RAB33B: variants seen among roughly 807,000 people sequenced by gnomAD.
RAB33B encodes the protein ras-related protein Rab-33B.
RAB33B carries 6 observed loss-of-function variants against 15.0 expected under a neutral mutation model. The ratio of observed to expected loss-of-function variants is 0.40; its 90% CI spans 0.22 to 0.79. The LOEUF is 0.79. Among genes scored for constraint, RAB33B ranks in the 30% least tolerant of loss-of-function variants. The probability of loss-of-function intolerance (pLI) is 0.37; values close to 1 mark genes in which losing one functional copy is unlikely to be tolerated. For synonymous variants in RAB33B, 117 were observed against 108.3 expected (o/e 1.08, Z -0.50); for missense variants, 257 against 296.4 (o/e 0.87, Z 0.98).
At chr4:139,449,871 A>G (rs4863653), upstream of RAB33B, 105 of 152,256 alleles carry the variant, frequency 6.9e-4, no homozygotes, top group Middle Eastern at 3.4e-3. Context: ...CTTTTTACAT[A>G]TATCAAATAT....
At chr4:139,447,658 CTTTTTTTTTTTTTT>C in the RAB33B span, among the ~76,000 whole-genome samples, 1 of 85,698 alleles carries the variant, frequency 1.2e-5, no homozygotes, top group African/African-American at 4.7e-5. Context: ...CAGTCTACTA[CTTTTTTTTTTTTTT>C]TTTTTTTTTT....
chr4:139,466,251 T>TA (rs1187427606), intron 1 of RAB33B, among the ~76,000 whole-genome samples: 1 of 152,228 alleles, frequency 6.6e-6, no homozygotes, highest in Non-Finnish European at 1.5e-5. Flanking sequence ...TTTGTTTTTA[T>TA]AAATGACATG....
intron 1 of RAB33B, among the ~76,000 whole-genome samples, chr4:139,462,437 A>G (rs1486367960): frequency 6.6e-6 from 1 of 152,200 alleles, no homozygotes; most frequent in Admixed American, 6.5e-5. Context: ...TGCTTGACCT[A>G]AAATGTTAAA....
upstream of RAB33B, chr4:139,454,109 G>A (rs1750010905): frequency 1.4e-6 from 2 of 1,470,060 alleles, no homozygotes; most frequent in Non-Finnish European, 1.8e-6. Flanking sequence ...CGAACTGGCC[G>A]GCTGGGCGCG....
intron 1 of RAB33B, among the ~76,000 whole-genome samples, chr4:139,464,386 GTTT>G (rs372330119): frequency 0.33 from 33,657 of 102,116 alleles, 4,338 homozygotes; most frequent in Middle Eastern, 0.34. Flanking sequence ...GAGGAATACT[GTTT>G]TTTTTTTTTT....
intron 1 of RAB33B, among the ~76,000 whole-genome samples, chr4:139,469,280 A>G (rs1019013820): frequency 2.0e-5 from 3 of 151,550 alleles, no homozygotes; most frequent in Non-Finnish European, 4.4e-5. Context: ...TCCTCTGTGT[A>G]TTTTCAGTTA....
At chr4:139,454,119 G>A (rs1750011503), upstream of RAB33B, 9 of 1,492,224 alleles carry the variant, frequency 6.0e-6, no homozygotes, top group Non-Finnish European at 8.1e-6. Flanking sequence ...GGCTGGGCGC[G>A]CGCTCTTGCG....
intron 1 of RAB33B, among the ~76,000 whole-genome samples, chr4:139,462,353 A>G (rs892426774): frequency 2.0e-5 from 3 of 152,158 alleles, no homozygotes; most frequent in African/African-American, 2.4e-5. Flanking sequence ...GCGCCCGGCC[A>G]TGACAGCTCT....
At chr4:139,467,567 A>G (rs1278814222) in intron 1 of RAB33B, among the ~76,000 whole-genome samples, 1 of 151,582 alleles carries the variant, frequency 6.6e-6, no homozygotes, top group Non-Finnish European at 1.5e-5. Flanking sequence ...TGAGTTACAG[A>G]CAATTCAGGC....
At chr4:139,448,687 G>C (rs1177780981), upstream of RAB33B, 1 of 152,208 alleles carries the variant, frequency 6.6e-6, no homozygotes, top group Non-Finnish European at 1.5e-5. Context: ...CAAAGTGCTA[G>C]GATTACAGGC....
At chr4:139,447,305 A>G in the RAB33B span, among the ~76,000 whole-genome samples, 1 of 152,186 alleles carries the variant, frequency 6.6e-6, no homozygotes, top group East Asian at 1.9e-4. Context: ...AAGGCCATGT[A>G]TACCCTGAAT....
At chr4:139,458,387 C>T (rs1750110317) in intron 1 of RAB33B, among the ~76,000 whole-genome samples, 1 of 152,058 alleles carries the variant, frequency 6.6e-6, no homozygotes, top group East Asian at 1.9e-4. Flanking sequence ...TTTTGTCACC[C>T]ACATATTTTG....
chr4:139,442,141 T>C, the RAB33B span, among the ~76,000 whole-genome samples: 1 of 152,298 alleles, frequency 6.6e-6, no homozygotes, highest in East Asian at 1.9e-4. Flanking sequence ...AAATTATTTT[T>C]AGTGCTGTTA....
In RAB33B at chr4:139,472,796, T is replaced by C; in HGVS notation, c.360T>C (p.Ala120=). ...VVFVYDMTNM[A]SFHSLPSWIE... is the part of the protein sequence containing the mutation. ...TCGTGTATGATATGACCAACATGGC[T>C]AGTTTTCATAGCCTACCATCTTGGA... The change falls in exon 2 of 2, where the codon GCT becomes GCC. Residue 120 remains alanine (A), a synonymous_variant. Transcript: ENST00000305626. 6.2e-7 allele frequency: 1 copy of C among 1,614,100 alleles called. No homozygotes were observed. The highest frequency in any genetic ancestry group is 8.5e-7 in the Non-Finnish European group (1 of 1,179,932).
At chr4:139,472,610 G>A (rs546990623) in intron 1 of RAB33B, 76 bp from the exon 2 acceptor site, 1 of 1,064,484 alleles carries the variant, frequency 9.4e-7, no homozygotes. Context: ...TAAAGACAAT[G>A]CAAGATGATT....
In RAB33B at chr4:139,454,122, C is replaced by T. The variant is rs1750011661; in HGVS notation, c.-74C>T. On this transcript the variant is annotated 5_prime_UTR_variant, in exon 1 of 2. Coordinates refer to ENST00000305626, the MANE Select transcript of RAB33B (RefSeq NM_031296.3). ...GCCGAACTGGCCGGCTGGGCGCGCG[C>T]TCTTGCGGTGGCGTAATCTCTCAGC... The T allele has an allele frequency of 8.0e-6, 12 of 1,507,314 alleles. No homozygotes were observed. In the East Asian group the frequency reaches 2.5e-4, roughly 32 times the overall value. 93.4% of individuals were successfully genotyped at this position (1,507,314 alleles called of 1,614,324 possible). A position where few individuals can be genotyped will look rare whatever the true frequency, so the allele number is the denominator to read the frequency against.
chr4:139,441,048 T>C, the RAB33B span, among the ~76,000 whole-genome samples: 3 of 152,200 alleles, frequency 2.0e-5, no homozygotes, highest in Non-Finnish European at 4.4e-5. Context: ...TTTCCCCCAG[T>C]TGCTAGGTTG....
rs1014320749 is a variant in RAB33B, at chr4:139,475,512, A to G, written c.*2386A>G. 1 of 151,968 alleles carries G rather than the reference A, an allele frequency of 6.6e-6. No homozygotes were observed. The highest frequency in any genetic ancestry group is 1.9e-4 in the East Asian group (1 of 5,204). The allele number at this position is 151,968 out of a possible 1,614,324, so 9.4% of individuals were successfully genotyped here. A position where few individuals can be genotyped will look rare whatever the true frequency, so the allele number is the denominator to read the frequency against. ...ATATATATGTTTTTATTTTTAAAAA[A>G]CATACCAGTTGAATGGGGTTAAAGC... On this transcript the variant is annotated 3_prime_UTR_variant, in exon 2 of 2. Transcript: ENST00000305626.
chr4:139,446,704 CCCCAGTTACGCCTGTCATTG>C, the RAB33B span, among the ~76,000 whole-genome samples: 1 of 151,738 alleles, frequency 6.6e-6, no homozygotes, highest in African/African-American at 2.4e-5. Flanking sequence ...CAGCCTCTTT[CCCCAGTTACGCCTGTCATTG>C]CCCAATGGGC....
Sources: gnomAD v4.1 joint callset for allele counts (sites outside exome capture counted in the v4.1 genomes callset) on GRCh38, gnomAD v4.1.1 for gene constraint, MANE v1.5 for transcripts, NCBI Gene and HGNC (gene_info 2026-07-23, HGNC 2026-07-21) for gene names.